The following RGS7 variants were observed in gnomAD, a reference collection of about 807,000 sequenced individuals.
RGS7 encodes the protein regulator of G protein signaling 7.
RGS7 carries 27 observed loss-of-function variants against 81.1 expected under a neutral mutation model. That is an observed-to-expected ratio of 0.33 (90% CI 0.25 to 0.46). The LOEUF (loss-of-function observed/expected upper bound fraction) is 0.46. Among genes scored for constraint, RGS7 ranks in the 20% least tolerant of loss-of-function variants. The pLI, the probability that RGS7 is intolerant of heterozygous loss-of-function variation, is 1.00. For synonymous variants in RGS7, 208 were observed against 207.7 expected, an observed-to-expected ratio of 1.00 and a Z score of -0.01; for missense variants, 396 against 607.4, an observed-to-expected ratio of 0.65 and a Z score of 3.66.
chr1:240,901,955 TAAAG>T (rs1670084194), intron 6 of RGS7, among the ~76,000 whole-genome samples: 1 of 152,226 alleles, frequency 6.6e-6, no homozygotes, highest in African/African-American at 2.4e-5. Context: ...TCTTTGTGTC[TAAAG>T]AAATAGGGCA....
At chr1:241,210,123 G>A (rs927123794) in intron 2 of RGS7, among the ~76,000 whole-genome samples, 1 of 152,052 alleles carries the variant, frequency 6.6e-6, no homozygotes, top group South Asian at 2.1e-4. Context: ...AAAAAGGTTA[G>A]CATGACCAGG....
At chr1:241,235,916 G>A (rs1165426129) in intron 2 of RGS7, among the ~76,000 whole-genome samples, 3 of 146,710 alleles carry the variant, frequency 2.0e-5, no homozygotes, top group African/African-American at 7.4e-5. Context: ...CTTTGAGAGA[G>A]AGAGAGAGAG....
intron 10 of RGS7, chr1:240,823,225 T>C: frequency 1.3e-6 from 1 of 776,350 alleles, no homozygotes; most frequent in Non-Finnish European, 2.3e-6. Context: ...ATTCTTGTGG[T>C]AGAGGGTCCA....
chr1:240,985,385 C>T (rs540580834), intron 3 of RGS7, among the ~76,000 whole-genome samples: 2 of 152,174 alleles, frequency 1.3e-5, no homozygotes, highest in Non-Finnish European at 1.5e-5. Context: ...TTGAAAAATG[C>T]TCTTAGAGAC....
intron 2 of RGS7, among the ~76,000 whole-genome samples, chr1:241,227,175 C>T (rs532439766): frequency 1.3e-4 from 20 of 152,292 alleles, no homozygotes; most frequent in African/African-American, 4.3e-4. Flanking sequence ...GATACACCCA[C>T]GTGCACACGT....
chr1:241,176,122 T>C (rs1175386431), intron 2 of RGS7, among the ~76,000 whole-genome samples: 1 of 152,184 alleles, frequency 6.6e-6, no homozygotes, highest in African/African-American at 2.4e-5. Flanking sequence ...GCCTAGACAG[T>C]AACAGAGCAG....
chr1:240,901,194 CA>C (rs1256308674), intron 6 of RGS7, among the ~76,000 whole-genome samples: 1 of 152,172 alleles, frequency 6.6e-6, no homozygotes, highest in African/African-American at 2.4e-5. Flanking sequence ...CTGTCTATCA[CA>C]GCTTCCCTTG....
chr1:241,063,519 C>T (rs976634254), intron 3 of RGS7, among the ~76,000 whole-genome samples: 1 of 152,084 alleles, frequency 6.6e-6, no homozygotes, highest in Non-Finnish European at 1.5e-5. Flanking sequence ...GTCAATAGGC[C>T]CCAGAGCAGC....
intron 2 of RGS7, among the ~76,000 whole-genome samples, chr1:241,286,335 A>G (rs1263944691): frequency 6.6e-6 from 1 of 152,192 alleles, no homozygotes; most frequent in African/African-American, 2.4e-5. Context: ...ACTACTACAT[A>G]TGACATCCTA....
chr1:241,314,167 G>A lies in RGS7; in HGVS notation c.78+41532C>T, dbSNP rs150755597. ...CCTGACAGAATTGACTTCAATCTTC[G>A]AAGTCCTTCTGTGGATAAAATGCTC... On this transcript the variant is annotated intron_variant, in intron 2 of 18. Transcript: ENST00000440928. 5.8e-3 allele frequency among the ~76,000 whole-genome samples: 882 copies of A among 152,326 alleles called. 4 individuals are homozygous for A. The highest frequency in any genetic ancestry group is 0.02 in the African/African-American group (811 of 41,580).
chr1:240,812,730 A>G (rs1690085204), intron 13 of RGS7, among the ~76,000 whole-genome samples: 1 of 152,076 alleles, frequency 6.6e-6, no homozygotes, highest in South Asian at 2.1e-4. Context: ...CCACCATGCC[A>G]GGCACACATT....
intron 4 of RGS7, among the ~76,000 whole-genome samples, chr1:240,980,288 A>G (rs954571285): frequency 1.6e-4 from 24 of 152,176 alleles, no homozygotes; most frequent in African/African-American, 5.6e-4. Flanking sequence ...GGTCCTGAAG[A>G]TCATTCAGCC....
intron 3 of RGS7, among the ~76,000 whole-genome samples, chr1:241,064,872 A>C (rs1249973319): frequency 6.6e-6 from 1 of 152,170 alleles, no homozygotes; most frequent in East Asian, 1.9e-4. Flanking sequence ...TCTCTCCAAT[A>C]GAAACACCTC....
intron 3 of RGS7, among the ~76,000 whole-genome samples, chr1:241,074,373 G>A (rs962706373): frequency 1.3e-5 from 2 of 152,096 alleles, no homozygotes; most frequent in Non-Finnish European, 2.9e-5. Context: ...AAATTGGTGA[G>A]GATTGAGGAA....
chr1:241,138,838 C>G (rs1399593773), intron 2 of RGS7, among the ~76,000 whole-genome samples: 3 of 151,920 alleles, frequency 2.0e-5, no homozygotes, highest in Admixed American at 1.3e-4. Context: ...AAAAATATAA[C>G]AAATCCCCAT....
At chr1:240,776,379 C>A (rs574383142) in intron 18 of RGS7, among the ~76,000 whole-genome samples, 166 bp from the exon 19 acceptor site, 1 of 151,602 alleles carries the variant, frequency 6.6e-6, no homozygotes, top group African/African-American at 2.4e-5. Flanking sequence ...TGCCTTCCCC[C>A]CTCCCTCCCT....
chr1:241,162,908 G>C (rs1374308149), intron 2 of RGS7, among the ~76,000 whole-genome samples: 4 of 152,160 alleles, frequency 2.6e-5, no homozygotes, highest in Non-Finnish European at 5.9e-5. Flanking sequence ...ATAGTCTATT[G>C]ATAGCTGTTG....
intron 2 of RGS7, among the ~76,000 whole-genome samples, chr1:241,185,098 T>G (rs751499129): frequency 4.6e-5 from 7 of 152,198 alleles, no homozygotes; most frequent in Non-Finnish European, 1.0e-4. Flanking sequence ...TATACATGAA[T>G]TTGTGTGTAT....
chr1:241,038,641 G>C (rs2060450023), intron 3 of RGS7, among the ~76,000 whole-genome samples: 7 of 152,160 alleles, frequency 4.6e-5, no homozygotes, highest in Admixed American at 4.6e-4. Flanking sequence ...TTGACTTCTT[G>C]AACTCTAAGA....
Sources: allele counts gnomAD v4.1 joint callset (sites outside exome capture counted in the v4.1 genomes callset), GRCh38; gene constraint gnomAD v4.1.1; transcripts MANE v1.5; gene names NCBI Gene and HGNC (gene_info 2026-07-23, HGNC 2026-07-21).